TMEM235: variants seen among roughly 807,000 people sequenced by gnomAD.
TMEM235 encodes transmembrane protein 235.
Under a neutral mutation model 22.9 loss-of-function variants are expected in TMEM235, and 23 were observed. The observed-to-expected ratio is 1.00, with a 90% CI of 0.72 to 1.42. The LOEUF (loss-of-function observed/expected upper bound fraction) is 1.42, where lower values mean the gene tolerates loss of function less well. Ranked by LOEUF, TMEM235 falls within the 40% of genes most tolerant of loss-of-function variation. TMEM235 has a pLI of 0.00. For synonymous variants in TMEM235, 137 were observed against 140.5 expected (o/e 0.98, Z 0.17); for missense variants, 308 against 299.5 (o/e 1.03, Z -0.21).
chr17:78,232,347 G>T lies in TMEM235; in HGVS notation c.190+134G>T, dbSNP rs969734161. On this transcript the variant is annotated intron_variant, in intron 2 of 5. Transcript: ENST00000421688. Reference sequence around the variant, plus strand: ...TCTCTTGCATCCCGCTCTGCCCCAGGGTGTCTCTCCGCTCCCTCCCCATCA... The same window carrying T: ...TCTCTTGCATCCCGCTCTGCCCCAGTGTGTCTCTCCGCTCCCTCCCCATCA... The T allele has an allele frequency of 5.7e-6, 5 of 873,050 alleles. No homozygotes were observed. The African/African-American group carries it at 7.1e-5, about 12-fold the overall frequency. The allele number at this position is 873,050 out of a possible 1,614,324, so 54.1% of individuals were successfully genotyped here. A position where few individuals can be genotyped will look rare whatever the true frequency, so the allele number is the denominator to read the frequency against.
rs1321423076 is a variant in TMEM235 at position 78,238,604 on chromosome 17, T to G, written c.410-420T>G. 1.3e-4 allele frequency among the ~76,000 whole-genome samples: 16 copies of G among 127,732 alleles called. No individual in the cohort carries two copies. Among genetic ancestry groups the G allele is most frequent in the Non-Finnish European group, 2.6e-4 (15 of 57,136 alleles). 83.8% of individuals were successfully genotyped at this position (127,732 alleles called of 152,430 possible). On this transcript the variant is annotated intron_variant, in intron 4 of 5. Transcript: ENST00000421688. This position sits in a 1 kb window ranked among gnomAD's most constrained non-coding sequence, Gnocchi z 4.3. Reference sequence around the variant, plus strand: ...TGTGTGTGAATGTGTGCAAATGTGTTCGTGTAGGTGTGCATGTGCATGTGT... The same window carrying G: ...TGTGTGTGAATGTGTGCAAATGTGTGCGTGTAGGTGTGCATGTGCATGTGT...
exon 2 of TMEM235, chr17:78,231,736 G>A (rs1000932439): frequency 8.1e-7 from 1 of 1,239,538 alleles, no homozygotes; most frequent in African/African-American, 1.6e-5. Context: ...GCCAGCCCGT[G>A]GGGACGCTGG....
exon 6 of TMEM235, chr17:78,240,255 C>A (rs117797315): frequency 5.1e-5 from 17 of 333,534 alleles, no homozygotes; most frequent in African/African-American, 3.2e-4. Context: ...CCACTCCTTG[C>A]CTGCCTCAAA....
chr17:78,233,846 G>T, intron 2 of TMEM235, 49 bp from the exon 2 acceptor site: 1 of 1,520,344 alleles, frequency 6.6e-7, no homozygotes. Context: ...TAGGCTGCTG[G>T]GTGCACCACA....
chr17:78,231,754 G>C (rs2076581323), exon 2 of TMEM235: 1 of 1,229,188 alleles, frequency 8.1e-7, no homozygotes, highest in Non-Finnish European at 1.1e-6. Flanking sequence ...TGGGATTGGA[G>C]CCCAAGCCCC....
At chr17:78,235,037 C>G (rs1324843148) in intron 4 of TMEM235, among the ~76,000 whole-genome samples, 1 of 152,206 alleles carries the variant, frequency 6.6e-6, no homozygotes, top group Non-Finnish European at 1.5e-5. Flanking sequence ...GGTGGATCAT[C>G]TGAGGTCAGG....
rs2076675104 is a variant in TMEM235 at position 78,238,882 on chromosome 17, G to A, written c.410-142G>A. On this transcript the variant is annotated intron_variant, in intron 4 of 5. Transcript: ENST00000421688. This position sits in a 1 kb window ranked among gnomAD's most constrained non-coding sequence, Gnocchi z 4.3. ...TTGACAGCCAGGCAGGGCTAACCAT[G>A]ACAGGAAGGGCGGTGTGCTGCCTGC... is the stretch of plus-strand genomic sequence containing the variant. The A allele has an allele frequency of 7.5e-7, 1 of 1,325,656 alleles. No homozygotes were observed. Among genetic ancestry groups the A allele is most frequent in the South Asian group, 1.5e-5 (1 of 66,008 alleles). The allele number at this position is 1,325,656 out of a possible 1,614,324, so 82.1% of individuals were successfully genotyped here.
At chr17:78,236,163 G>A (rs1342978818) in intron 4 of TMEM235, among the ~76,000 whole-genome samples, 2 of 152,228 alleles carry the variant, frequency 1.3e-5, no homozygotes, top group Non-Finnish European at 2.9e-5. Context: ...CGGGGTCCAA[G>A]CTTCTTGGTG....
exon 2 of TMEM235, chr17:78,231,951 C>T (rs2076585291): frequency 9.5e-7 from 1 of 1,054,756 alleles, no homozygotes; most frequent in Non-Finnish European, 1.1e-6. Context: ...CCCCCGGCTC[C>T]CGGCTCCGCG....
Position 78,237,748 on chromosome 17 carries a change from G to C in TMEM235, c.410-1276G>C, listed in dbSNP as rs1259573751. The stretch of plus-strand genomic sequence containing the variant: ...CCCAGGGACCGCTTCATTCAATTTG[G>C]CTTCACATTCTTCCCCAAAATAAAT... On this transcript the variant is annotated intron_variant, in intron 4 of 5. Coordinates refer to ENST00000421688, the Ensembl canonical transcript of TMEM235. The surrounding 1 kb of genome is among the most constrained non-coding windows in gnomAD (Gnocchi z 4.7). 6.6e-6 allele frequency among the ~76,000 whole-genome samples: 1 copy of C among 152,076 alleles called. No homozygotes were observed.
Position 78,238,862 on chromosome 17 carries a change from A to G in TMEM235, c.410-162A>G, listed in dbSNP as rs561419983. 3.3e-5 allele frequency among the ~76,000 whole-genome samples: 5 copies of G among 152,040 alleles called. No individual in the cohort carries two copies. The highest frequency in any genetic ancestry group is 7.4e-5 in the Non-Finnish European group (5 of 68,000). ...GTCTGGGAGAGGCGGCCAGGTTGACAGCCAGGCAGGGCTAACCATGACAGG... is the reference window on the plus strand; with the variant it reads ...GTCTGGGAGAGGCGGCCAGGTTGACGGCCAGGCAGGGCTAACCATGACAGG... On this transcript the variant is annotated intron_variant, in intron 4 of 5. Coordinates refer to ENST00000421688, the Ensembl canonical transcript of TMEM235. The surrounding 1 kb of genome is among the most constrained non-coding windows in gnomAD (Gnocchi z 4.3).
chr17:78,239,421 C>T, intron 5 of TMEM235, 148 bp downstream of exon 4: 1 of 1,036,678 alleles, frequency 9.6e-7, no homozygotes, highest in South Asian at 1.7e-5. Flanking sequence ...GAGGGCAGAG[C>T]CAAGAATCCA....
chr17:78,235,689 C>G (rs970109286), intron 4 of TMEM235, among the ~76,000 whole-genome samples: 1 of 148,466 alleles, frequency 6.7e-6, no homozygotes, highest in African/African-American at 2.5e-5. Context: ...CAAGCTCTGC[C>G]TCCCAGGTTC....
In TMEM235 at chr17:78,237,090, C is replaced by G. The variant is rs1295597443; in HGVS notation, c.410-1934C>G. 6.6e-6 allele frequency among the ~76,000 whole-genome samples: 1 copy of G among 152,104 alleles called. No individual in the cohort carries two copies. The highest frequency in any genetic ancestry group is 1.5e-5 in the Non-Finnish European group (1 of 68,012). On this transcript the variant is annotated intron_variant, in intron 4 of 5. Transcript: ENST00000421688. The surrounding 1 kb of genome is among the most constrained non-coding windows in gnomAD (Gnocchi z 4.7). ...AGGCACCGGCTAGGGGGTGGAGGGG[C>G]CGGAGGTAGCTGGTGGATGGGTGGG...
At chr17:78,239,870 C>G (rs1451208070) in exon 6 of TMEM235, 15 of 1,551,500 alleles carry the variant, frequency 9.7e-6, no homozygotes, top group Non-Finnish European at 1.3e-5. Flanking sequence ...CCTCCCTGGC[C>G]TCTGTTCTGT....
rs907745444 is a variant in TMEM235 at position 78,237,097 on chromosome 17, T to G, written c.410-1927T>G. 2.0e-5 allele frequency among the ~76,000 whole-genome samples: 3 copies of G among 151,816 alleles called. No homozygotes were observed. Among genetic ancestry groups the G allele is most frequent in the African/African-American group, 7.3e-5 (3 of 41,298 alleles). On this transcript the variant is annotated intron_variant, in intron 4 of 5. Transcript: ENST00000421688. This position sits in a 1 kb window ranked among gnomAD's most constrained non-coding sequence, Gnocchi z 4.7. Reference sequence around the variant, plus strand: ...GGCTAGGGGGTGGAGGGGCCGGAGGTAGCTGGTGGATGGGTGGGGGTTCCA... The same window carrying G: ...GGCTAGGGGGTGGAGGGGCCGGAGGGAGCTGGTGGATGGGTGGGGGTTCCA...
chr17:78,239,206 GCTGC>G lies in TMEM235; in HGVS notation c.596_599del (p.Ala199GlyfsTer5), dbSNP rs2076681229. On this transcript the variant is annotated frameshift_variant, in exon 5 of 6. Coordinates refer to ENST00000421688, the Ensembl canonical transcript of TMEM235. LOFTEE classifies it high-confidence loss of function. Reference sequence around the variant, plus strand: ...ATTCAGCGGAACCCTCCTGCTCTCAGCTGCCTGGACCCTCAGCCTGAGCCCCCCA... The same window carrying G: ...ATTCAGCGGAACCCTCCTGCTCTCAGCTGGACCCTCAGCCTGAGCCCCCCA... The G allele has an allele frequency of 6.5e-7, 1 of 1,543,254 alleles. No homozygotes were observed. Among genetic ancestry groups the G allele is most frequent in the African/African-American group, 1.4e-5 (1 of 73,058 alleles).
At chr17:78,234,143 A>G in intron 3 of TMEM235, 168 bp downstream of exon 2, 1 of 711,412 alleles carries the variant, frequency 1.4e-6, no homozygotes, top group Non-Finnish European at 2.5e-6. Context: ...CCCTAACCAC[A>G]GGTGCCCAGC....
At chr17:78,236,618 G>A (rs947178061) in intron 4 of TMEM235, among the ~76,000 whole-genome samples, 2 of 152,360 alleles carry the variant, frequency 1.3e-5, no homozygotes, top group South Asian at 2.1e-4. Context: ...TGGCTGTTGC[G>A]GAAGGTGGAC....
Sources: allele counts gnomAD v4.1 joint callset (sites outside exome capture counted in the v4.1 genomes callset), GRCh38; gene constraint gnomAD v4.1.1; non-coding constraint Gnocchi (gnomAD v3.1); transcripts MANE v1.5; gene names NCBI Gene and HGNC (gene_info 2026-07-23, HGNC 2026-07-21).